The following PSD variants were observed in gnomAD, a reference collection of about 807,000 sequenced individuals.
The protein encoded by PSD is pleckstrin and Sec7 domain containing.
A neutral mutation model predicts 91.6 loss-of-function variants in PSD; 32 were observed. The ratio of observed to expected loss-of-function variants is 0.35; its 90% CI spans 0.26 to 0.47. The LOEUF (loss-of-function observed/expected upper bound fraction) is 0.47, where lower values mean the gene tolerates loss of function less well. Among genes scored for constraint, PSD ranks in the 20% least tolerant of loss-of-function variants. The pLI is 1.00. For synonymous variants in PSD, 532 were observed against 569.3 expected (o/e 0.93, Z 0.93); for missense variants, 1,099 against 1,373.9 (o/e 0.80, Z 3.16).
chr10:102,405,347 C>T lies in PSD; in HGVS notation c.2325G>A (p.Lys775=), dbSNP rs767375292. ...RKVHADPDCR[K]TPRGKRGWKS... ...GCCCCCCGCAACTCGGCCACATACT[C>T]TTCCTGCAGTCAGGGTCTGCGTGCA... The change falls in exon 12 of 17, where the codon AAG becomes AAA. Residue 775 remains lysine, a splice_region_variant and synonymous_variant. Transcript: ENST00000020673. This position sits in a 1 kb window ranked among gnomAD's most constrained non-coding sequence, Gnocchi z 5.4. 7.4e-6 allele frequency: 12 copies of T among 1,610,840 alleles called. No individual in the cohort carries two copies. In the Admixed American group the frequency reaches 8.3e-5, roughly 11 times the overall value.
In PSD at chr10:102,414,711, CCT is replaced by C; in HGVS notation, c.1124+150_1124+151del. On this transcript the variant is annotated intron_variant, in intron 4 of 16. Transcript: ENST00000020673. This position sits in a 1 kb window ranked among gnomAD's most constrained non-coding sequence, Gnocchi z 5.6. ...CCCCAGTGTTCTGCCAAGCCTCAGG[CCT>C]CTGTCTAGAATCTCCTGCTATACAC... is the stretch of plus-strand genomic sequence containing the variant. 1.9e-6 allele frequency: 2 copies of C among 1,041,344 alleles called. No homozygotes were observed. Among genetic ancestry groups the C allele is most frequent in the Non-Finnish European group, 2.6e-6 (2 of 773,184 alleles). 64.5% of individuals were successfully genotyped at this position (1,041,344 alleles called of 1,614,324 possible).
chr10:102,412,110 G>A, intron 7 of PSD, 37 bp downstream of exon 7: 1 of 1,598,554 alleles, frequency 6.3e-7, no homozygotes, highest in African/African-American at 1.3e-5. Context: ...ACGAACCCCG[G>A]AGAGTGGGGG....
chr10:102,410,870 C>A lies in PSD; in HGVS notation c.2079G>T (p.Arg693Ser). ...CCCCGCCCCCCACCTTGAGCAGCTC[C>A]CTAGGGAAGTCGCCGCCATCATTGA... Reference protein sequence around the residue: ...EGLNDGGDFPRELLKALYSSI... With the variant: ...EGLNDGGDFPSELLKALYSSI... The change falls in exon 10 of 17, where the codon AGG (arginine) becomes AGT (serine). Residue 693 changes from arginine (R) to serine (S), a missense_variant. This residue lies in a region of PSD where 110 missense variants were observed against 218.7 expected (regional missense o/e 0.50). Transcript: ENST00000020673. The surrounding 1 kb of genome is among the most constrained non-coding windows in gnomAD (Gnocchi z 6.0). 1 of 1,613,368 alleles carries A rather than the reference C, an allele frequency of 6.2e-7. No homozygotes were observed. Among genetic ancestry groups the A allele is most frequent in the South Asian group, 1.1e-5 (1 of 91,060 alleles).
chr10:102,412,064 C>G, intron 7 of PSD, 83 bp downstream of exon 7: 1 of 1,394,222 alleles, frequency 7.2e-7, no homozygotes, highest in Non-Finnish European at 1.0e-6. Context: ...TTGTGGGGGA[C>G]AGAGGGGCTC....
At chr10:102,415,369 A>G (rs1053083261) in intron 3 of PSD, 140 bp from the exon 4 acceptor site, 1 of 1,042,480 alleles carries the variant, frequency 9.6e-7, no homozygotes, top group Non-Finnish European at 1.3e-6. Flanking sequence ...CCTGCTACAT[A>G]CTTAGCTTGT....
rs913596082 is a variant in PSD at position 102,410,125 on chromosome 10, C to A, written c.2091+733G>T. The stretch of plus-strand genomic sequence containing the variant: ...GTGCTGTTACATGTATGTAGTGGAG[C>A]AGAGACACCTTTGTCCTAGCCTGGG... On this transcript the variant is annotated intron_variant, in intron 10 of 16. Coordinates refer to ENST00000020673, the MANE Select transcript of PSD (RefSeq NM_002779.5). This position sits in a 1 kb window ranked among gnomAD's most constrained non-coding sequence, Gnocchi z 6.0. Among the ~76,000 whole-genome samples, 1 of 152,200 alleles carries A rather than the reference C, an allele frequency of 6.6e-6. No individual in the cohort carries two copies. The highest frequency in any genetic ancestry group is 2.4e-5 in the African/African-American group (1 of 41,442).
chr10:102,414,305 T>G lies in PSD; in HGVS notation c.1125-108A>C. On this transcript the variant is annotated intron_variant, in intron 4 of 16. Coordinates refer to ENST00000020673, the MANE Select transcript of PSD (RefSeq NM_002779.5). The surrounding 1 kb of genome is among the most constrained non-coding windows in gnomAD (Gnocchi z 5.6). ...TGCTAAGGGGATTATCATCCCCTTT[T>G]CACTGGCTCCAGCCCACTAACAAAA... 9.0e-7 allele frequency: 1 copy of G among 1,107,636 alleles called. No homozygotes were observed. Among genetic ancestry groups the G allele is most frequent in the Non-Finnish European group, 1.3e-6 (1 of 775,546 alleles). The allele number at this position is 1,107,636 out of a possible 1,614,324, so 68.6% of individuals were successfully genotyped here.
Position 102,403,373 on chromosome 10 carries a change from C to T in PSD, c.2902G>A (p.Glu968Lys). The T allele has an allele frequency of 1.2e-6, 2 of 1,613,954 alleles. No homozygotes were observed. The highest frequency in any genetic ancestry group is 1.7e-6 in the Non-Finnish European group (2 of 1,180,020). ...GCTGCCTCCACTGCATCCAGCTCCT[C>T]ACTGCCTGCCTTCAGCTTGACCCGA... is the stretch of plus-strand genomic sequence containing the variant. ...LLRVKLKAGSEELDAVEAALA... is the reference protein window; with the variant it reads ...LLRVKLKAGSKELDAVEAALA... Residue 968 changes from glutamate to lysine, a missense_variant, in exon 17 of 17, where the codon GAG becomes AAG. Around this residue, in one of 3 missense-constraint regions of PSD, gnomAD observed 358 missense variants for 426.5 expected, o/e 0.84. Coordinates refer to ENST00000020673, the MANE Select transcript of PSD (RefSeq NM_002779.5). This position sits in a 1 kb window ranked among gnomAD's most constrained non-coding sequence, Gnocchi z 6.7.
chr10:102,402,686 A>G lies in PSD; in HGVS notation c.*514T>C. On this transcript the variant is annotated 3_prime_UTR_variant, in exon 17 of 17. Transcript: ENST00000020673. Reference sequence around the variant, plus strand: ...GGGCAAGGCCCACTGAAGCGGGGGAAAGCCAGGCCGTGCTGCCCCCGGCCC... The same window carrying G: ...GGGCAAGGCCCACTGAAGCGGGGGAGAGCCAGGCCGTGCTGCCCCCGGCCC... 3.1e-6 allele frequency: 1 copy of G among 319,874 alleles called. No individual in the cohort carries two copies. The highest frequency in any genetic ancestry group is 4.9e-5 in the East Asian group (1 of 20,232). The allele number at this position is 319,874 out of a possible 1,614,324, so 19.8% of individuals were successfully genotyped here.
chr10:102,404,827 C>A lies in PSD; in HGVS notation c.2555+71G>T. 6.3e-7 allele frequency: 1 copy of A among 1,578,988 alleles called. No individual in the cohort carries two copies. Among genetic ancestry groups the A allele is most frequent in the Admixed American group, 1.8e-5 (1 of 56,902 alleles). ...TGGCCTGAGAAGGAATGAAAAAATC[C>A]AGGGACAGGGAGGGGAGCAGGATGG... On this transcript the variant is annotated intron_variant, in intron 14 of 16. Transcript: ENST00000020673. The surrounding 1 kb of genome is among the most constrained non-coding windows in gnomAD (Gnocchi z 5.7).
rs555754683 is a variant in PSD, at chr10:102,405,786, G to A, written c.2136-250C>T. ...ACTGTCCCTTCCTCCCAGCAAGTAG[G>A]GCCAGCACTATCCTCTCCATTGCTG... On this transcript the variant is annotated intron_variant, in intron 11 of 16. Coordinates refer to ENST00000020673, the MANE Select transcript of PSD (RefSeq NM_002779.5). This position sits in a 1 kb window ranked among gnomAD's most constrained non-coding sequence, Gnocchi z 5.4. 9.3e-4 allele frequency: 486 copies of A among 522,306 alleles called. No individual in the cohort carries two copies. Among genetic ancestry groups the A allele is most frequent in the Non-Finnish European group, 1.4e-3 (395 of 290,010 alleles). 32.4% of individuals were successfully genotyped at this position (522,306 alleles called of 1,614,324 possible). A position where few individuals can be genotyped will look rare whatever the true frequency, so the allele number is the denominator to read the frequency against.
At position 102,405,641 on chromosome 10, in the gene PSD, TGG is replaced by T. The variant is rs1371854440; in HGVS notation, c.2136-107_2136-106del. ...AAAAGCTCCCCCAGTGTTTGTGGCT[TGG>T]GGGGCTCAACCTGAGGGTCCTGCCA... On this transcript the variant is annotated intron_variant, in intron 11 of 16. Coordinates refer to ENST00000020673, the MANE Select transcript of PSD (RefSeq NM_002779.5). The surrounding 1 kb of genome is among the most constrained non-coding windows in gnomAD (Gnocchi z 5.4). 1 of 1,116,678 alleles carries T rather than the reference TGG, an allele frequency of 9.0e-7. No homozygotes were observed. Among genetic ancestry groups the T allele is most frequent in the Non-Finnish European group, 1.3e-6 (1 of 797,758 alleles). The allele number at this position is 1,116,678 out of a possible 1,614,324, so 69.2% of individuals were successfully genotyped here. A position where few individuals can be genotyped will look rare whatever the true frequency, so the allele number is the denominator to read the frequency against.
Position 102,414,066 on chromosome 10 carries a change from G to C in PSD, c.1256C>G (p.Ser419Cys). Residue 419 changes from serine (S) to cysteine (C), a missense_variant, in exon 5 of 17, where the codon TCC becomes TGC. Ser to Cys is a moderately radical substitution (Grantham distance 112). Coordinates refer to ENST00000020673, the MANE Select transcript of PSD (RefSeq NM_002779.5). The surrounding 1 kb of genome is among the most constrained non-coding windows in gnomAD (Gnocchi z 5.6). Reference sequence around the variant, plus strand: ...CTCCAGCGAGGCGAGGCTGGTATAGGAGGTGCCTTTGGCCCGGTGTGACTC... The same window carrying C: ...CTCCAGCGAGGCGAGGCTGGTATAGCAGGTGCCTTTGGCCCGGTGTGACTC... ...ILESHRAKGTSYTSLASLEAL... is the reference protein window; with the variant it reads ...ILESHRAKGTCYTSLASLEAL... 1 of 1,614,134 alleles carries C rather than the reference G, an allele frequency of 6.2e-7. No individual in the cohort carries two copies. Among genetic ancestry groups the C allele is most frequent in the South Asian group, 1.1e-5 (1 of 91,086 alleles).
At chr10:102,419,495 G>C (rs1460827678), upstream of PSD, 1 of 153,098 alleles carries the variant, frequency 6.5e-6, no homozygotes, top group Admixed American at 6.5e-5. This position sits in a 1 kb window ranked among gnomAD's most constrained non-coding sequence, Gnocchi z 4.8. Flanking sequence ...AGGGTAGAAG[G>C]GGGCCCTGCT....
chr10:102,412,498 G>A lies in PSD; in HGVS notation c.1631C>T (p.Thr544Ile), dbSNP rs374492247. 6.2e-7 allele frequency: 1 copy of A among 1,613,922 alleles called. No homozygotes were observed. Among genetic ancestry groups the A allele is most frequent in the South Asian group, 1.1e-5 (1 of 91,088 alleles). ...DSTERLALGS[T>I]DTLSNGQKAD... ...TTTCTGCCCATTGGACAAGGTGTCT[G>A]TGCTTCCCAGGGCCAGCCGCTCTGT... Residue 544 changes from threonine to isoleucine, a missense_variant, in exon 6 of 17, where the codon ACA becomes ATA. Physicochemically the swap from Thr to Ile is moderately conservative, Grantham distance 89. This residue lies in a region of PSD where 110 missense variants were observed against 218.7 expected (regional missense o/e 0.50). Transcript: ENST00000020673.
intron 3 of PSD, 140 bp downstream of exon 3, chr10:102,415,877 T>C (rs1376532339): frequency 9.5e-6 from 6 of 629,902 alleles, no homozygotes; most frequent in East Asian, 5.6e-5. Flanking sequence ...GATGGAAAGA[T>C]TGAGGCCTGG....
rs374125352 is a variant in PSD at position 102,412,430 on chromosome 10, G to A, written c.1699C>T (p.Arg567Ter). The A allele has an allele frequency of 1.9e-6, 3 of 1,614,174 alleles. No homozygotes were observed. Among genetic ancestry groups the A allele is most frequent in the Admixed American group, 1.7e-5 (1 of 60,038 alleles). The change falls in exon 6 of 17, where the codon CGA (arginine) becomes TGA (stop). Residue 567 changes from arginine (R) to a stop codon, truncating the protein, a stop_gained. Coordinates refer to ENST00000020673, the MANE Select transcript of PSD (RefSeq NM_002779.5). LOFTEE classifies it high-confidence loss of function. ...TCGGCCTTCCTGAAGCCATCTAGTC[G>A]GTACAGCCTCTTGGCCAGGCGCTGC... ...AAQRLAKRLYRLDGFRKADVA... is the reference protein window; with the variant it reads ...AAQRLAKRLY
Position 102,416,127 on chromosome 10 carries a change from A to G in PSD, c.655-8T>C. 1 of 1,600,648 alleles carries G rather than the reference A, an allele frequency of 6.2e-7. No homozygotes were observed. Among genetic ancestry groups the G allele is most frequent in the Non-Finnish European group, 8.6e-7 (1 of 1,169,174 alleles). Reference sequence around the variant, plus strand: ...GGAGGACCAGGTATCCCCCTGAGCCAACGAGGGAGACACAGGCACCCAGAG... The same window carrying G: ...GGAGGACCAGGTATCCCCCTGAGCCGACGAGGGAGACACAGGCACCCAGAG... On this transcript the variant is annotated splice_region_variant and splice_polypyrimidine_tract_variant and intron_variant, in intron 2 of 16. Coordinates refer to ENST00000020673, the MANE Select transcript of PSD (RefSeq NM_002779.5). The surrounding 1 kb of genome is among the most constrained non-coding windows in gnomAD (Gnocchi z 6.0).
chr10:102,407,533 G>C (rs1016182081), intron 10 of PSD, among the ~76,000 whole-genome samples: 20 of 152,156 alleles, frequency 1.3e-4, no homozygotes, highest in Admixed American at 6.5e-5. Context: ...CCAGCACAAG[G>C]CTGACGCACA....
Sources: gnomAD v4.1 joint callset for allele counts (sites outside exome capture counted in the v4.1 genomes callset) on GRCh38, gnomAD v4.1.1 for gene constraint, gnomAD v4.1.1 regional missense constraint, Gnocchi (gnomAD v3.1) non-coding constraint, MANE v1.5 for transcripts, NCBI Gene and HGNC (gene_info 2026-07-23, HGNC 2026-07-21) for gene names.